Variants in TMPO observed in about 807,000 individuals in gnomAD.
TMPO encodes the protein thymopoietin.
TMPO carries 22 observed loss-of-function variants against 45.4 expected under a neutral mutation model. The ratio of observed to expected loss-of-function variants is 0.48; its 90% CI spans 0.35 to 0.69. The LOEUF (loss-of-function observed/expected upper bound fraction) is 0.69, where lower values mean the gene tolerates loss of function less well. TMPO is among the 30% of genes least tolerant of loss of function. The pLI is 0.01. For missense variants in TMPO, 512 were observed against 548.8 expected, an observed-to-expected ratio of 0.93 and a Z score of 0.67; for synonymous variants, 241 against 204.1, an observed-to-expected ratio of 1.18 and a Z score of -1.54.
At chr12:98,520,603 C>A (rs923901247) in intron 1 of TMPO, among the ~76,000 whole-genome samples, 10 of 151,892 alleles carry the variant, frequency 6.6e-5, no homozygotes, top group Non-Finnish European at 4.4e-5. Context: ...CCTCACCCGG[C>A]CAATACCAGG....
chr12:98,529,647 C>G (rs191883966), intron 2 of TMPO, among the ~76,000 whole-genome samples: 16 of 152,124 alleles, frequency 1.1e-4, no homozygotes, highest in Admixed American at 4.6e-4. Flanking sequence ...TTACTGCAGC[C>G]TCAGCTTAGG....
At chr12:98,546,063 A>C (rs1878211827) in intron 7 of TMPO, among the ~76,000 whole-genome samples, 1 of 152,198 alleles carries the variant, frequency 6.6e-6, no homozygotes, top group Admixed American at 6.5e-5. Flanking sequence ...TAAAAAACAA[A>C]ATCAATGAGG....
At chr12:98,541,654 GT>G (rs1237714176) in intron 4 of TMPO, among the ~76,000 whole-genome samples, 3 of 151,986 alleles carry the variant, frequency 2.0e-5, no homozygotes, top group South Asian at 2.1e-4. Flanking sequence ...TAATAGTTAG[GT>G]TTTTTTGTTC....
intron 3 of TMPO, chr12:98,533,598 A>G (rs765011910): frequency 6.2e-7 from 1 of 1,614,220 alleles, no homozygotes; most frequent in Non-Finnish European, 8.5e-7. Context: ...CCTTTGTGGC[A>G]TTTCAGAACA....
At chr12:98,532,146 A>C in intron 3 of TMPO, 1 of 277,682 alleles carries the variant, frequency 3.6e-6, no homozygotes, top group South Asian at 4.3e-5. Context: ...ACTTACCTGT[A>C]CCTATCACCT....
At chr12:98,517,379 G>A (rs903602152) in intron 1 of TMPO, among the ~76,000 whole-genome samples, 1 of 152,144 alleles carries the variant, frequency 6.6e-6, no homozygotes, top group Non-Finnish European at 1.5e-5. Context: ...CGAGTTACCA[G>A]GCTTCAAATC....
chr12:98,518,860 T>C (rs1029008105), intron 1 of TMPO, among the ~76,000 whole-genome samples: 2 of 151,814 alleles, frequency 1.3e-5, no homozygotes, highest in African/African-American at 2.4e-5. Flanking sequence ...GTTAGCATCA[T>C]GTAAATAAGT....
chr12:98,543,526 GA>G (rs1263510651), intron 4 of TMPO, among the ~76,000 whole-genome samples: 2 of 152,150 alleles, frequency 1.3e-5, no homozygotes, highest in Non-Finnish European at 2.9e-5. Flanking sequence ...GTGGAACATA[GA>G]AATTAATCTG....
Position 98,547,589 on chromosome 12 carries a change from C to T in TMPO, c.1096C>T (p.Pro366Ser). The change falls in exon 9 of 9, where the codon CCA (proline) becomes TCA (serine). Residue 366 changes from proline to serine, a missense_variant. Transcript: ENST00000556029. ...PTGISASCRR[P>S]IKGAAGRPLE... ...TCCCAACAGTGCTAGTTGCCGCAGA[C>T]CAATCAAAGGGGCTGCAGGCCGGCC... is the stretch of plus-strand genomic sequence containing the variant. The T allele has an allele frequency of 1.9e-6, 3 of 1,614,126 alleles. No homozygotes were observed. The highest frequency in any genetic ancestry group is 2.5e-6 in the Non-Finnish European group (3 of 1,180,016).
At position 98,533,516 on chromosome 12, in the gene TMPO, C is replaced by T. The variant is rs766971962; in HGVS notation, c.565+1678C>T. ...ATTGATCAGTCTAAGTTTCAAGAAA[C>T]TGAATTCCTGTCTCCTCCAAGAAAA... is the stretch of plus-strand genomic sequence containing the variant. On this transcript the variant is annotated intron_variant, in intron 3 of 8. Coordinates refer to ENST00000556029, the MANE Select transcript of TMPO (RefSeq NM_001032283.3). 3 of 1,614,174 alleles carry T rather than the reference C, an allele frequency of 1.9e-6. No homozygotes were observed. Among genetic ancestry groups the T allele is most frequent in the Non-Finnish European group, 2.5e-6 (3 of 1,180,020 alleles).
chr12:98,535,246 T>C (rs1592948154), intron 3 of TMPO: 1 of 983,564 alleles, frequency 1.0e-6, no homozygotes, highest in East Asian at 1.1e-4. Context: ...GAAAGTTAAG[T>C]TTAGCAATAT....
At position 98,549,209 on chromosome 12, in the gene TMPO, A is replaced by AT. The variant is rs1878392673; in HGVS notation, c.*1353dup. 6.6e-6 allele frequency: 1 copy of AT among 152,144 alleles called. No homozygotes were observed. Among genetic ancestry groups the AT allele is most frequent in the Non-Finnish European group, 1.5e-5 (1 of 68,022 alleles). The allele number at this position is 152,144 out of a possible 1,614,324, so 9.4% of individuals were successfully genotyped here. The stretch of plus-strand genomic sequence containing the variant: ...AGTTGTATACTCTTAAGAGGTGGGC[A>AT]TTATGATTATTTTTTATTTTTTTAT... On this transcript the variant is annotated 3_prime_UTR_variant, in exon 9 of 9. Transcript: ENST00000556029.
intron 8 of TMPO, among the ~76,000 whole-genome samples, chr12:98,546,920 TATG>T (rs1878258996): frequency 6.6e-6 from 1 of 152,218 alleles, no homozygotes; most frequent in East Asian, 1.9e-4. Flanking sequence ...AGGCTGTGTT[TATG>T]TATCTTAATT....
At chr12:98,534,505 AC>A (rs1322301787) in intron 3 of TMPO, 1 of 1,437,644 alleles carries the variant, frequency 7.0e-7, no homozygotes, top group African/African-American at 1.4e-5. Context: ...GTGTAGAACT[AC>A]TTGTCTTTTC....
At chr12:98,533,197 A>G in intron 3 of TMPO, 1 of 1,614,136 alleles carries the variant, frequency 6.2e-7, no homozygotes, top group Non-Finnish European at 8.5e-7. Flanking sequence ...TCCTTCACTG[A>G]TTAAAGAAAC....
intron 2 of TMPO, among the ~76,000 whole-genome samples, chr12:98,529,748 G>C (rs1312942395): frequency 6.6e-6 from 1 of 151,958 alleles, no homozygotes; most frequent in African/African-American, 2.4e-5. Flanking sequence ...TTGTAGGGAT[G>C]GGGGCACACT....
chr12:98,531,699 T>C lies in TMPO; in HGVS notation c.426T>C (p.Tyr142=). 6.2e-7 allele frequency: 1 copy of C among 1,612,736 alleles called. No individual in the cohort carries two copies. The highest frequency in any genetic ancestry group is 8.5e-7 in the Non-Finnish European group (1 of 1,179,938). Residue 142 remains tyrosine (Y), a synonymous_variant, in exon 3 of 9, where the codon TAT becomes TAC. Coordinates refer to ENST00000556029, the MANE Select transcript of TMPO (RefSeq NM_001032283.3). ...ATCCAGGAACAACCAGGAAGCTATA[T>C]GAGAAAAAGCTTTTGAAACTGAGGG... ...GPIVGTTRKL[Y]EKKLLKLREQ...
intron 4 of TMPO, among the ~76,000 whole-genome samples, chr12:98,541,386 T>G (rs943436176): frequency 6.6e-6 from 1 of 152,228 alleles, no homozygotes; most frequent in Non-Finnish European, 1.5e-5. Context: ...AGGCTAATTT[T>G]GGGTTATGTT....
Position 98,533,612 on chromosome 12 carries a change from C to G in TMPO, c.565+1774C>G, listed in dbSNP as rs762576951. ...TCCTTTGTGGCATTTCAGAACATAC[C>G]TGGATCCGAACTGATGTCTTCTTTT... is the stretch of plus-strand genomic sequence containing the variant. On this transcript the variant is annotated intron_variant, in intron 3 of 8. Transcript: ENST00000556029. 3.7e-6 allele frequency: 6 copies of G among 1,614,182 alleles called. No homozygotes were observed. In the South Asian group the frequency reaches 4.4e-5, roughly 12 times the overall value.
Sources: allele counts gnomAD v4.1 joint callset (sites outside exome capture counted in the v4.1 genomes callset), GRCh38; gene constraint gnomAD v4.1.1; transcripts MANE v1.5; gene names NCBI Gene and HGNC (gene_info 2026-07-23, HGNC 2026-07-21).